Variants in SLC39A8 observed in about 807,000 individuals in gnomAD.
SLC39A8 encodes metal cation symporter ZIP8.
A neutral mutation model predicts 40.4 loss-of-function variants in SLC39A8; 15 were observed. That is an observed-to-expected ratio of 0.37 (90% CI 0.25 to 0.57). The LOEUF (loss-of-function observed/expected upper bound fraction) is 0.57, where lower values mean the gene tolerates loss of function less well. SLC39A8 is among the 20% of genes least tolerant of loss of function. The pLI is 0.75. For synonymous variants in SLC39A8, 223 were observed against 221.6 expected (o/e 1.01, Z -0.06); for missense variants, 472 against 558.8 (o/e 0.84, Z 1.57).
chr4:102,288,381 A>G (rs1296518323), intron 6 of SLC39A8, among the ~76,000 whole-genome samples: 1 of 151,922 alleles, frequency 6.6e-6, no homozygotes, highest in Admixed American at 6.6e-5. Flanking sequence ...CATTCCCCCA[A>G]TTTCCTCCCT....
intron 6 of SLC39A8, among the ~76,000 whole-genome samples, chr4:102,283,022 A>G (rs1486402240): frequency 1.3e-5 from 2 of 152,212 alleles, no homozygotes; most frequent in Non-Finnish European, 2.9e-5. Flanking sequence ...CACCACACCC[A>G]GCCCTCAAGG....
At chr4:102,275,898 C>T (rs1483714626) in intron 6 of SLC39A8, among the ~76,000 whole-genome samples, 6 of 152,136 alleles carry the variant, frequency 3.9e-5, no homozygotes, top group South Asian at 2.1e-4. Flanking sequence ...GGGTAAATAA[C>T]GAAATTAAGG....
chr4:102,318,366 T>G (rs1237575301), intron 2 of SLC39A8, among the ~76,000 whole-genome samples: 1 of 152,050 alleles, frequency 6.6e-6, no homozygotes, highest in African/African-American at 2.4e-5. Context: ...CCCCTCATGA[T>G]AAGAGAATGA....
chr4:102,252,060 A>AT (rs1461722928), exon 12 of SLC39A8: 1 of 152,342 alleles, frequency 6.6e-6, no homozygotes, highest in Non-Finnish European at 1.5e-5. Flanking sequence ...TAAGTAAAGT[A>AT]TAAAAATGGC....
intron 2 of SLC39A8, among the ~76,000 whole-genome samples, chr4:102,320,253 AT>A (rs1734870202): frequency 7.2e-6 from 1 of 137,948 alleles, no homozygotes; most frequent in Non-Finnish European, 1.5e-5. Context: ...GAATATATAT[AT>A]GAGTATATAT....
In SLC39A8 at chr4:102,268,265, C is replaced by A. The variant is rs59014825; in HGVS notation, c.841-186G>T. Among the ~76,000 whole-genome samples, 4,510 of 152,264 alleles carry A rather than the reference C, an allele frequency of 0.03. 217 individuals are homozygous for A. Among genetic ancestry groups the A allele is most frequent in the African/African-American group, 0.099 (4,102 of 41,546 alleles). On this transcript the variant is annotated intron_variant, in intron 6 of 8. Coordinates refer to ENST00000356736, the MANE Select transcript of SLC39A8 (RefSeq NM_001135146.2). ...ACTTATGGTTGAGAGAAAGGAAATT[C>A]ATCAACTGACACACCTCGAATAAGC...
intron 2 of SLC39A8, among the ~76,000 whole-genome samples, chr4:102,325,626 A>G (rs1578618790): frequency 6.6e-6 from 1 of 152,192 alleles, no homozygotes; most frequent in African/African-American, 2.4e-5. Flanking sequence ...CTGTGCTCCA[A>G]ATGTTAACAG....
At chr4:102,319,763 C>T (rs1163478931) in intron 2 of SLC39A8, among the ~76,000 whole-genome samples, 1 of 152,036 alleles carries the variant, frequency 6.6e-6, no homozygotes, top group Non-Finnish European at 1.5e-5. Flanking sequence ...TGGCCACTGG[C>T]TTCCCAAATT....
chr4:102,325,709 G>A (rs1735166213), intron 2 of SLC39A8, among the ~76,000 whole-genome samples: 1 of 152,058 alleles, frequency 6.6e-6, no homozygotes, highest in Non-Finnish European at 1.5e-5. Flanking sequence ...ATCTGCCAAA[G>A]TTTTTAACAA....
At chr4:102,282,798 C>T (rs1732958912) in intron 6 of SLC39A8, among the ~76,000 whole-genome samples, 1 of 152,218 alleles carries the variant, frequency 6.6e-6, no homozygotes, top group Admixed American at 6.5e-5. Context: ...GCAATCTTGG[C>T]TCACTGCAAT....
chr4:102,330,447 A>G (rs1735400327), intron 2 of SLC39A8, among the ~76,000 whole-genome samples: 1 of 152,220 alleles, frequency 6.6e-6, no homozygotes. Flanking sequence ...TCCTGGACAC[A>G]TACACCCTCC....
Position 102,262,047 on chromosome 4 carries a change from T to G in SLC39A8, c.*997A>C, listed in dbSNP as rs558616336. 1.3e-5 allele frequency: 13 copies of G among 986,028 alleles called. No homozygotes were observed. In the South Asian group the frequency reaches 5.2e-4, roughly 39 times the overall value. 61.1% of individuals were successfully genotyped at this position (986,028 alleles called of 1,614,324 possible). On this transcript the variant is annotated 3_prime_UTR_variant, in exon 9 of 9. Transcript: ENST00000356736. ...TAGGCTGAACACAAAGGAAGTCTTT[T>G]CTGAATGGCTCTCGATCACACATAA...
At chr4:102,316,042 T>A (rs955937793) in intron 2 of SLC39A8, among the ~76,000 whole-genome samples, 1 of 152,088 alleles carries the variant, frequency 6.6e-6, no homozygotes, top group African/African-American at 2.4e-5. Context: ...AAAAATCCCT[T>A]CTTAATCAAC....
chr4:102,292,989 C>T lies in SLC39A8; in HGVS notation c.840+11328G>A, dbSNP rs535876621. Reference sequence around the variant, plus strand: ...CAGATTTAAACTCAAATCTACCTGACTCAAGTACTTTTGACAAAGATAAGT... The same window carrying T: ...CAGATTTAAACTCAAATCTACCTGATTCAAGTACTTTTGACAAAGATAAGT... On this transcript the variant is annotated intron_variant, in intron 6 of 8. Transcript: ENST00000356736. 7.9e-5 allele frequency among the ~76,000 whole-genome samples: 12 copies of T among 152,114 alleles called. No homozygotes were observed. In the South Asian group the frequency reaches 8.3e-4, roughly 11 times the overall value.
At chr4:102,259,659 T>G (rs1442370385), downstream of SLC39A8, 1 of 605,214 alleles carries the variant, frequency 1.7e-6, no homozygotes, top group Non-Finnish European at 2.9e-6. Context: ...GTCAACGATT[T>G]TAATAGTCCC....
At chr4:102,281,906 T>C (rs756967183) in intron 6 of SLC39A8, among the ~76,000 whole-genome samples, 1 of 152,134 alleles carries the variant, frequency 6.6e-6, no homozygotes, top group Non-Finnish European at 1.5e-5. Flanking sequence ...AATACACCAC[T>C]GGAGCACAGA....
intron 2 of SLC39A8, among the ~76,000 whole-genome samples, chr4:102,331,522 C>A (rs1735463461): frequency 1.3e-5 from 2 of 152,120 alleles, no homozygotes; most frequent in African/African-American, 4.8e-5. Flanking sequence ...AGAGAGGACA[C>A]AAACAAATGA....
chr4:102,297,597 C>G (rs182514584), intron 6 of SLC39A8, among the ~76,000 whole-genome samples: 1 of 151,748 alleles, frequency 6.6e-6, no homozygotes, highest in Admixed American at 6.6e-5. Context: ...TTTGTAGACA[C>G]GGGAAAAGGA....
At chr4:102,313,066 T>C (rs11724128) in intron 3 of SLC39A8, among the ~76,000 whole-genome samples, 48,138 of 152,124 alleles carry the variant, frequency 0.32, 7,932 homozygotes, top group Middle Eastern at 0.47. Flanking sequence ...ATTACTAATA[T>C]TTCAAAATTG....
Sources: allele counts gnomAD v4.1 joint callset (sites outside exome capture counted in the v4.1 genomes callset), GRCh38; gene constraint gnomAD v4.1.1; transcripts MANE v1.5; gene names NCBI Gene and HGNC (gene_info 2026-07-23, HGNC 2026-07-21).